ROBO1: variants seen among roughly 807,000 people sequenced by gnomAD.
The protein encoded by ROBO1 is roundabout guidance receptor 1.
In ROBO1, 149 loss-of-function variants were observed where a neutral mutation model predicts 195.9. That is an observed-to-expected ratio of 0.76 (90% confidence interval 0.67 to 0.87). The LOEUF (loss-of-function observed/expected upper bound fraction) is 0.87. ROBO1 is among the 40% of genes least tolerant of loss of function. ROBO1 has a pLI of 0.00. For synonymous variants in ROBO1, 816 were observed against 733.2 expected, an observed-to-expected ratio of 1.11 and a Z score of -1.82; for missense variants, 1,933 against 2,068.3, an observed-to-expected ratio of 0.93 and a Z score of 1.27.
chr3:78,614,045 G>A (rs1213877993), intron 28 of ROBO1, among the ~76,000 whole-genome samples: 1 of 152,124 alleles, frequency 6.6e-6, no homozygotes, highest in African/African-American at 2.4e-5. Context: ...GGCCACCTGA[G>A]GCACTTTCAT....
chr3:79,549,707 C>A lies in ROBO1; in HGVS notation c.88+40117G>T, dbSNP rs564389046. Among the ~76,000 whole-genome samples, 494 of 152,250 alleles carry A rather than the reference C, an allele frequency of 3.2e-3. 2 individuals carry two copies. The highest frequency in any genetic ancestry group is 0.011 in the African/African-American group (444 of 41,550). ...ATCAAGAACTTGAGCATCCACAGAT[C>A]TTGGTATCCAAAGGACATCCTGGAA... On this transcript the variant is annotated intron_variant, in intron 2 of 30. Coordinates refer to ENST00000464233, the MANE Select transcript of ROBO1 (RefSeq NM_002941.4).
intron 2 of ROBO1, among the ~76,000 whole-genome samples, chr3:79,297,858 T>C (rs1457198933): frequency 1.3e-5 from 2 of 152,240 alleles, no homozygotes; most frequent in Non-Finnish European, 2.9e-5. Flanking sequence ...AACTTTACCA[T>C]ATCACCTCTG....
At chr3:79,360,287 AATG>A (rs2035716815) in intron 2 of ROBO1, among the ~76,000 whole-genome samples, 1 of 151,992 alleles carries the variant, frequency 6.6e-6, no homozygotes, top group South Asian at 2.1e-4. Context: ...ACAAATCTCA[AATG>A]ATGATTTTTT....
At chr3:79,167,406 A>G (rs549600082) in intron 2 of ROBO1, among the ~76,000 whole-genome samples, 2 of 152,278 alleles carry the variant, frequency 1.3e-5, no homozygotes, top group Admixed American at 1.3e-4. Context: ...GTACATCCAC[A>G]TTGTATTTTT....
chr3:79,095,460 A>AGTTTT (rs2079550276), intron 3 of ROBO1, among the ~76,000 whole-genome samples: 1 of 151,992 alleles, frequency 6.6e-6, no homozygotes, highest in Non-Finnish European at 1.5e-5. Flanking sequence ...ACGACCAGCC[A>AGTTTT]CTGGTGACTA....
At chr3:78,940,929 G>A (rs2040097235) in intron 3 of ROBO1, among the ~76,000 whole-genome samples, 1 of 152,202 alleles carries the variant, frequency 6.6e-6, no homozygotes, top group Non-Finnish European at 1.5e-5. Context: ...AGCAGAAGGA[G>A]AGGAAGTTTA....
At chr3:78,763,415 A>G (rs969664069) in intron 4 of ROBO1, among the ~76,000 whole-genome samples, 2 of 152,122 alleles carry the variant, frequency 1.3e-5, no homozygotes, top group African/African-American at 2.4e-5. Context: ...TGTATGTGGT[A>G]CTTTATCATT....
At chr3:78,881,607 A>G (rs1485617699) in intron 4 of ROBO1, among the ~76,000 whole-genome samples, 2 of 152,188 alleles carry the variant, frequency 1.3e-5, no homozygotes, top group Non-Finnish European at 2.9e-5. Context: ...TTTCCCAACA[A>G]GAGCCACTAT....
At chr3:79,388,361 T>C (rs867423248) in intron 2 of ROBO1, among the ~76,000 whole-genome samples, 9 of 152,058 alleles carry the variant, frequency 5.9e-5, no homozygotes, top group South Asian at 2.1e-4. Context: ...TCTACTGTTA[T>C]AGTATCTCTC....
At chr3:79,692,652 CT>C (rs1453553769) in intron 1 of ROBO1, among the ~76,000 whole-genome samples, 1 of 151,746 alleles carries the variant, frequency 6.6e-6, no homozygotes, top group Non-Finnish European at 1.5e-5. Context: ...ATGGTGATTA[CT>C]AGAGGATGGC....
chr3:79,174,282 A>C (rs1374097409), intron 2 of ROBO1, among the ~76,000 whole-genome samples: 3 of 152,054 alleles, frequency 2.0e-5, no homozygotes, highest in South Asian at 4.2e-4. Flanking sequence ...CCACGAGCCC[A>C]CTGAGACGAA....
intron 4 of ROBO1, among the ~76,000 whole-genome samples, chr3:78,849,152 T>C (rs2033868536): frequency 6.6e-6 from 1 of 152,094 alleles, no homozygotes; most frequent in South Asian, 2.1e-4. Flanking sequence ...AATATTTGTT[T>C]TGGACACAGT....
At chr3:79,186,624 C>T (rs1377322685) in intron 2 of ROBO1, among the ~76,000 whole-genome samples, 2 of 152,046 alleles carry the variant, frequency 1.3e-5, no homozygotes, top group African/African-American at 2.4e-5. Flanking sequence ...GGATTAGACT[C>T]TTTCACCCTT....
intron 2 of ROBO1, among the ~76,000 whole-genome samples, chr3:79,271,770 T>C (rs1217325944): frequency 1.3e-5 from 2 of 152,162 alleles, no homozygotes; most frequent in East Asian, 3.9e-4. Flanking sequence ...ATTCCCAGAA[T>C]CTATAATAAC....
At chr3:78,973,512 A>C (rs1185657564) in intron 3 of ROBO1, among the ~76,000 whole-genome samples, 1 of 145,968 alleles carries the variant, frequency 6.9e-6, no homozygotes, top group African/African-American at 2.5e-5. Flanking sequence ...TATATATTAT[A>C]TATATAAGAA....
At chr3:79,060,238 A>G (rs1385700824) in intron 3 of ROBO1, among the ~76,000 whole-genome samples, 1 of 151,988 alleles carries the variant, frequency 6.6e-6, no homozygotes, top group Non-Finnish European at 1.5e-5. Context: ...ATGTTTATCA[A>G]TGACAATGTG....
At chr3:79,013,622 G>A (rs182863727) in intron 3 of ROBO1, among the ~76,000 whole-genome samples, 143 of 152,220 alleles carry the variant, frequency 9.4e-4, no homozygotes, top group Non-Finnish European at 1.6e-3. Context: ...TTTCGACTAG[G>A]AAAATGCACA....
intron 2 of ROBO1, among the ~76,000 whole-genome samples, chr3:79,302,077 T>A (rs1228308030): frequency 6.6e-6 from 1 of 152,154 alleles, no homozygotes; most frequent in African/African-American, 2.4e-5. Flanking sequence ...ATAGGGTGTA[T>A]TTTTGGCTAA....
intron 15 of ROBO1, 32 bp from the exon 16 acceptor site, chr3:78,661,293 C>T: frequency 7.8e-7 from 1 of 1,277,106 alleles, no homozygotes; most frequent in East Asian, 2.5e-5. Flanking sequence ...TGTAATTATT[C>T]ATATTATTGT....
Sources: gnomAD v4.1 joint callset for allele counts (sites outside exome capture counted in the v4.1 genomes callset) on GRCh38, gnomAD v4.1.1 for gene constraint, MANE v1.5 for transcripts, NCBI Gene and HGNC (gene_info 2026-07-23, HGNC 2026-07-21) for gene names.